The following AKAP9 variants were observed in gnomAD, a reference collection of about 807,000 sequenced individuals.
AKAP9 encodes A-kinase anchor protein 9.
AKAP9 carries 311 observed loss-of-function variants against 488.5 expected under a neutral mutation model. That is an observed-to-expected ratio of 0.64 (90% CI 0.58 to 0.70). AKAP9 has a LOEUF of 0.70. AKAP9 is among the 30% of genes least tolerant of loss of function. AKAP9 has a pLI of 0.00. For synonymous variants in AKAP9, 1,462 were observed against 1,483.5 expected, an observed-to-expected ratio of 0.99 and a Z score of 0.33; for missense variants, 4,215 against 4,374.5, an observed-to-expected ratio of 0.96 and a Z score of 1.03.
rs764654532 is a variant in AKAP9 at position 92,083,265 on chromosome 7, A to G, written c.8256A>G (p.Lys2752=). 4 of 1,614,162 alleles carry G rather than the reference A, an allele frequency of 2.5e-6. No individual in the cohort carries two copies. The highest frequency in any genetic ancestry group is 3.4e-6 in the Non-Finnish European group (4 of 1,180,022). ...AAGAGAAATTGTCCATTTTAGAAAA[A>G]GAAGATGAGACTGAGGTACAAGAAA... is the stretch of plus-strand genomic sequence containing the variant. ...EAKEKLSILE[K]EDETEVQESK... is the part of the protein sequence containing the mutation. The change falls in exon 33 of 50, where the codon AAA becomes AAG. Residue 2752 remains lysine (K), a synonymous_variant. Transcript: ENST00000356239.
rs1333551811 is a variant in AKAP9 at position 92,086,306 on chromosome 7, T to C, written c.9103T>C (p.Leu3035=). ...ELLLALQQVF[L]EERSVLLAAF... Reference sequence around the variant, plus strand: ...ACTGCTTGCCCTTCAACAAGTTTTCTTAGAAGAGCGTAGTGTTTTACTAGC... The same window carrying C: ...ACTGCTTGCCCTTCAACAAGTTTTCCTAGAAGAGCGTAGTGTTTTACTAGC... Residue 3035 remains leucine (L), a synonymous_variant, in exon 37 of 50, where the codon TTA becomes CTA. Transcript: ENST00000356239. 2 of 1,613,992 alleles carry C rather than the reference T, an allele frequency of 1.2e-6. No individual in the cohort carries two copies. The highest frequency in any genetic ancestry group is 1.1e-5 in the South Asian group (1 of 91,078).
Position 91,964,382 on chromosome 7 carries a change from G to A in AKAP9, c.49-9329G>A, listed in dbSNP as rs952030018. On this transcript the variant is annotated intron_variant, in intron 1 of 49. Transcript: ENST00000356239. ...GTTTACATAAATATTTTAATATGGC[G>A]TCATCATAGTTAACCTAATGTTGCC... is the stretch of plus-strand genomic sequence containing the variant. Among the ~76,000 whole-genome samples, 24 of 152,130 alleles carry A rather than the reference G, an allele frequency of 1.6e-4. 1 individual carries two copies. Among genetic ancestry groups the A allele is most frequent in the African/African-American group, 4.3e-4 (18 of 41,488 alleles).
chr7:92,014,500 G>A (rs562233801), intron 10 of AKAP9, among the ~76,000 whole-genome samples, 172 bp downstream of exon 10: 1 of 152,240 alleles, frequency 6.6e-6, no homozygotes, highest in African/African-American at 2.4e-5. Flanking sequence ...ATTGTGGTGT[G>A]TGCCTATAGT....
At chr7:91,992,763 A>G (rs1441459252) in intron 4 of AKAP9, 122 bp from the exon 5 acceptor site, 8 of 915,106 alleles carry the variant, frequency 8.7e-6, no homozygotes, top group Admixed American at 8.2e-5. Context: ...TTGCCATACC[A>G]TAATCTTCCA....
chr7:91,988,978 G>C (rs760180132), intron 3 of AKAP9, among the ~76,000 whole-genome samples: 4 of 152,070 alleles, frequency 2.6e-5, no homozygotes, highest in Non-Finnish European at 5.9e-5. Context: ...TGATATATTT[G>C]CATACCTCAC....
In AKAP9 at chr7:91,955,319, G is replaced by T. The variant is rs1301515644; in HGVS notation, c.48+14172G>T. On this transcript the variant is annotated intron_variant, in intron 1 of 49. Transcript: ENST00000356239. ...ATGTAAAATGTATGTATAAAATAAAGACTGATGATAAAAAGAACACCTCTA... is the reference window on the plus strand; with the variant it reads ...ATGTAAAATGTATGTATAAAATAAATACTGATGATAAAAAGAACACCTCTA... 1.1e-4 allele frequency among the ~76,000 whole-genome samples: 16 copies of T among 152,228 alleles called. No individual in the cohort carries two copies. In the East Asian group the frequency reaches 3.1e-3, roughly 29 times the overall value.
In AKAP9 at chr7:92,100,020, ATAT is replaced by A. The variant is rs531505736; in HGVS notation, c.10896+157_10896+159del. The A allele has an allele frequency of 3.9e-4, 261 of 661,598 alleles. 1 individual carries two copies. The East Asian group carries it at 6.0e-3, about 15-fold the overall frequency. The allele number at this position is 661,598 out of a possible 1,614,324, so 41.0% of individuals were successfully genotyped here. A position where few individuals can be genotyped will look rare whatever the true frequency, so the allele number is the denominator to read the frequency against. On this transcript the variant is annotated intron_variant, in intron 44 of 49. Coordinates refer to ENST00000356239, the MANE Select transcript of AKAP9 (RefSeq NM_005751.5). ...AAATTTTATAGGGATGACAATAATAATATTATTACTAAGTTATAATAATTACTG... is the reference window on the plus strand; with the variant it reads ...AAATTTTATAGGGATGACAATAATAATATTACTAAGTTATAATAATTACTG...
intron 22 of AKAP9, among the ~76,000 whole-genome samples, chr7:92,054,545 A>G (rs1808470067): frequency 6.6e-6 from 1 of 151,334 alleles, no homozygotes; most frequent in Non-Finnish European, 1.5e-5. Flanking sequence ...GTTGATGCTT[A>G]AGATGTTTAA....
chr7:92,012,215 A>C lies in AKAP9; in HGVS notation c.3319-214A>C, dbSNP rs11976283. 6.7e-3 allele frequency among the ~76,000 whole-genome samples: 1,028 copies of C among 152,322 alleles called. 10 individuals carry two copies. Among genetic ancestry groups the C allele is most frequent in the African/African-American group, 0.024 (978 of 41,566 alleles). The stretch of plus-strand genomic sequence containing the variant: ...TCATGCTAGCTATACCAAATATCAC[A>C]ATTTAGTATAAAACTGAGGTAATGA... On this transcript the variant is annotated intron_variant, in intron 8 of 49. Coordinates refer to ENST00000356239, the MANE Select transcript of AKAP9 (RefSeq NM_005751.5).
intron 21 of AKAP9, among the ~76,000 whole-genome samples, chr7:92,046,416 G>T (rs761600772): frequency 6.6e-6 from 1 of 152,182 alleles, no homozygotes. Context: ...GAAATGAAAA[G>T]AAATTATCCC....
At chr7:91,982,054 C>A (rs951511129) in intron 3 of AKAP9, among the ~76,000 whole-genome samples, 5 of 152,122 alleles carry the variant, frequency 3.3e-5, no homozygotes, top group Admixed American at 3.3e-4. Flanking sequence ...AGGTCAGACC[C>A]TCCCATATAT....
chr7:92,071,186 C>T (rs1445559249), intron 28 of AKAP9, among the ~76,000 whole-genome samples, 177 bp downstream of exon 28: 1 of 151,924 alleles, frequency 6.6e-6, no homozygotes. Flanking sequence ...ATTAAGCTGA[C>T]GGGAAAGAAG....
At position 92,001,251 on chromosome 7, in the gene AKAP9, T is replaced by C. The variant is rs147302252; in HGVS notation, c.1334T>C (p.Ile445Thr). ...CTGGATGAGATGTATGGGCAGCAGA[T>C]AGTGCAAATGAAACAAGAATTAATA... ...AELDEMYGQQ[I>T]VQMKQELIRQ... Residue 445 changes from isoleucine to threonine, a missense_variant, in exon 8 of 50, where the codon ATA becomes ACA. Ile to Thr is a moderately conservative substitution (Grantham distance 89, BLOSUM62 -1). This residue lies in a region of AKAP9 where 2,361 missense variants were observed against 2,430.0 expected (regional missense o/e 0.97). Coordinates refer to ENST00000356239, the MANE Select transcript of AKAP9 (RefSeq NM_005751.5). 345 of 1,613,958 alleles carry C rather than the reference T, an allele frequency of 2.1e-4. No individual in the cohort carries two copies. The highest frequency in any genetic ancestry group is 2.8e-4 in the Non-Finnish European group (330 of 1,179,934).
rs60778133 is a variant in AKAP9, at chr7:91,998,418, C to CTTTTTTTTT, written c.931-2401_931-2393dup. On this transcript the variant is annotated intron_variant, in intron 7 of 49. Transcript: ENST00000356239. ...AGATAGTGTATTCAACCACAGGGCT[C>CTTTTTTTTT]TTTTTTTTTTTTTTTTTTTTTTTTT... 1.7e-3 allele frequency among the ~76,000 whole-genome samples: 91 copies of CTTTTTTTTT among 53,988 alleles called. 25 individuals carry two copies. The highest frequency in any genetic ancestry group is 2.9e-3 in the Non-Finnish European group (72 of 25,222). 35.4% of individuals were successfully genotyped at this position (53,988 alleles called of 152,430 possible). A position where few individuals can be genotyped will look rare whatever the true frequency, so the allele number is the denominator to read the frequency against.
At chr7:91,992,603 G>A (rs1797894770) in intron 4 of AKAP9, among the ~76,000 whole-genome samples, 2 of 146,268 alleles carry the variant, frequency 1.4e-5, no homozygotes, top group African/African-American at 5.1e-5. Context: ...GGCGGAGGTT[G>A]CAGTGAGCTG....
At chr7:92,086,488 TTTAAGTATGAAGG>T in intron 37 of AKAP9, 72 bp downstream of exon 37, 2 of 1,279,556 alleles carry the variant, frequency 1.6e-6, no homozygotes, top group Admixed American at 3.4e-5. Context: ...AGAGTCTTAA[TTTAAGTATGAAGG>T]TTAAGATTTT....
chr7:91,948,364 T>C (rs375897408), intron 1 of AKAP9, among the ~76,000 whole-genome samples: 1 of 152,300 alleles, frequency 6.6e-6, no homozygotes, highest in East Asian at 1.9e-4. Flanking sequence ...ACTGTTTCCA[T>C]AGTGACTGTA....
intron 9 of AKAP9, among the ~76,000 whole-genome samples, chr7:92,013,233 C>G (rs1482982327): frequency 6.6e-6 from 1 of 151,350 alleles, no homozygotes; most frequent in East Asian, 1.9e-4. Flanking sequence ...CCTCGTGATC[C>G]GCCCGCCTCG....
At chr7:92,083,936 T>C (rs1814060972) in intron 33 of AKAP9, among the ~76,000 whole-genome samples, 1 of 152,172 alleles carries the variant, frequency 6.6e-6, no homozygotes, top group South Asian at 2.1e-4. Flanking sequence ...CATCAACCCG[T>C]CATCTACATT....
Sources: allele counts gnomAD v4.1 joint callset (sites outside exome capture counted in the v4.1 genomes callset), GRCh38; gene constraint gnomAD v4.1.1; regional missense constraint gnomAD v4.1.1; transcripts MANE v1.5; gene names NCBI Gene and HGNC (gene_info 2026-07-23, HGNC 2026-07-21).